The following SUPT3H variants were observed in gnomAD, a reference collection of about 807,000 sequenced individuals.
SUPT3H encodes the protein transcription initiation protein SPT3 homolog.
A neutral mutation model predicts 44.3 loss-of-function variants in SUPT3H; 44 were observed. The ratio of observed to expected loss-of-function variants is 0.99; its 90% CI spans 0.78 to 1.28. SUPT3H has a LOEUF of 1.28. Ranked by LOEUF, SUPT3H falls within the 50% of genes most tolerant of loss-of-function variation. The pLI, the probability that SUPT3H is intolerant of heterozygous loss-of-function variation, is 0.00. For synonymous variants in SUPT3H, 124 were observed against 125.6 expected (o/e 0.99, Z 0.09); for missense variants, 380 against 387.1 (o/e 0.98, Z 0.15).
intron 2 of SUPT3H, among the ~76,000 whole-genome samples, chr6:45,155,143 G>A (rs1807611566): frequency 6.6e-6 from 1 of 152,138 alleles, no homozygotes. Context: ...AAATATATAT[G>A]TTGAACCATA....
intron 3 of SUPT3H, among the ~76,000 whole-genome samples, chr6:45,072,124 C>T (rs1794471414): frequency 6.6e-6 from 1 of 152,158 alleles, no homozygotes; most frequent in Non-Finnish European, 1.5e-5. Context: ...ATTATCCCCA[C>T]TTTACAATCA....
intron 6 of SUPT3H, among the ~76,000 whole-genome samples, chr6:44,991,789 TTATC>T (rs1223880575): frequency 6.6e-6 from 1 of 152,094 alleles, no homozygotes; most frequent in South Asian, 2.1e-4. Flanking sequence ...ATGGGGGAAA[TTATC>T]TATACCAAAC....
intron 2 of SUPT3H, among the ~76,000 whole-genome samples, chr6:45,179,176 C>T (rs1812621062): frequency 6.6e-6 from 1 of 152,042 alleles, no homozygotes; most frequent in Non-Finnish European, 1.5e-5. Context: ...AAGACTAAAC[C>T]AGGAAGAAGT....
intron 5 of SUPT3H, among the ~76,000 whole-genome samples, chr6:45,005,719 T>A (rs1474933909): frequency 6.6e-6 from 1 of 151,564 alleles, no homozygotes; most frequent in Non-Finnish European, 1.5e-5. Context: ...AAAAAAAAAT[T>A]TAATTTCTAT....
chr6:45,092,610 C>T (rs1268948054), intron 3 of SUPT3H, among the ~76,000 whole-genome samples: 4 of 151,856 alleles, frequency 2.6e-5, no homozygotes, highest in Non-Finnish European at 4.4e-5. Flanking sequence ...ACTAGCCAGG[C>T]GTGGTGGCAG....
intron 2 of SUPT3H, among the ~76,000 whole-genome samples, chr6:45,324,240 A>G (rs1178717670): frequency 1.7e-4 from 1 of 5,760 alleles, no homozygotes; most frequent in Non-Finnish European, 4.2e-4. Flanking sequence ...TAATCAAAGA[A>G]AAAAAAGTAA....
chr6:44,849,824 A>C (rs1231599513), intron 10 of SUPT3H, among the ~76,000 whole-genome samples: 1 of 152,234 alleles, frequency 6.6e-6, no homozygotes, highest in African/African-American at 2.4e-5. Flanking sequence ...CAGCAGATCA[A>C]CCAGATGTAT....
intron 3 of SUPT3H, among the ~76,000 whole-genome samples, chr6:45,100,954 A>G (rs1798488176): frequency 6.6e-6 from 1 of 152,214 alleles, no homozygotes. Flanking sequence ...GTGTCCATCA[A>G]CAGACGAATG....
chr6:45,343,642 G>A (rs531522958), intron 2 of SUPT3H, among the ~76,000 whole-genome samples: 20 of 152,184 alleles, frequency 1.3e-4, no homozygotes, highest in South Asian at 1.2e-3. Context: ...ATAACAGTAC[G>A]AACTAGCTAC....
At chr6:44,908,433 A>G (rs1192816143) in intron 10 of SUPT3H, among the ~76,000 whole-genome samples, 3 of 152,016 alleles carry the variant, frequency 2.0e-5, no homozygotes, top group Admixed American at 6.6e-5. Context: ...TTACAGGCAT[A>G]AGCCACCGTG....
At chr6:44,901,502 T>C (rs555553538) in intron 10 of SUPT3H, among the ~76,000 whole-genome samples, 145 of 152,096 alleles carry the variant, frequency 9.5e-4, no homozygotes, top group Non-Finnish European at 1.9e-4. Flanking sequence ...GAACAAAGCC[T>C]CCAAGAAATA....
chr6:45,375,499 T>C (rs1431786362), intron 1 of SUPT3H, among the ~76,000 whole-genome samples: 2 of 152,238 alleles, frequency 1.3e-5, no homozygotes, highest in Admixed American at 6.5e-5. Context: ...GAGCTTTAAG[T>C]TATTGCTCCA....
intron 2 of SUPT3H, among the ~76,000 whole-genome samples, chr6:45,312,179 T>C (rs1784057610): frequency 6.6e-6 from 1 of 152,056 alleles, no homozygotes; most frequent in Non-Finnish European, 1.5e-5. Flanking sequence ...GCAATTCTTA[T>C]ATCAGACAAA....
chr6:45,318,897 G>T (rs1032803202), intron 2 of SUPT3H, among the ~76,000 whole-genome samples: 1 of 151,964 alleles, frequency 6.6e-6, no homozygotes, highest in Non-Finnish European at 1.5e-5. Flanking sequence ...CCTACTACAT[G>T]ATCATTATAT....
intron 10 of SUPT3H, among the ~76,000 whole-genome samples, chr6:44,857,418 C>T (rs572655853): frequency 6.6e-6 from 1 of 152,162 alleles, no homozygotes; most frequent in South Asian, 2.1e-4. Context: ...CAATCGTTTG[C>T]TTTAACTGGT....
intron 10 of SUPT3H, among the ~76,000 whole-genome samples, chr6:44,867,897 T>C (rs915116849): frequency 1.3e-5 from 2 of 152,172 alleles, no homozygotes; most frequent in African/African-American, 2.4e-5. Context: ...TGTTTGATGC[T>C]AGAACTTTGA....
intron 2 of SUPT3H, chr6:45,328,269 T>C (rs767060928): frequency 6.7e-5 from 91 of 1,355,880 alleles, no homozygotes; most frequent in Admixed American, 2.1e-4. Flanking sequence ...TCTCCAGTAA[T>C]AGTGCTTGCA....
chr6:45,320,464 A>T (rs1785313956), intron 2 of SUPT3H, among the ~76,000 whole-genome samples: 2 of 151,174 alleles, frequency 1.3e-5, no homozygotes, highest in Admixed American at 6.6e-5. Flanking sequence ...TTTCTGGTAG[A>T]CATGGGGTCT....
intron 2 of SUPT3H, among the ~76,000 whole-genome samples, chr6:45,212,781 T>C (rs1764352292): frequency 6.6e-6 from 1 of 152,206 alleles, no homozygotes; most frequent in Non-Finnish European, 1.5e-5. Flanking sequence ...TCATTGTCTT[T>C]TAGGATCTAC....
Sources: allele counts gnomAD v4.1 joint callset (sites outside exome capture counted in the v4.1 genomes callset), GRCh38; gene constraint gnomAD v4.1.1; transcripts MANE v1.5; gene names NCBI Gene and HGNC (gene_info 2026-07-23, HGNC 2026-07-21).